Variants in SLC22A17 observed in about 807,000 individuals in gnomAD.
SLC22A17 encodes solute carrier family 22 member 17, also known as 24p3 receptor.
In SLC22A17, 38 loss-of-function variants were observed where a neutral mutation model predicts 53.6. The ratio of observed to expected loss-of-function variants is 0.71; its 90% confidence interval spans 0.55 to 0.93. SLC22A17 has a LOEUF of 0.93. SLC22A17 is among the 40% of genes least tolerant of loss of function. The probability of loss-of-function intolerance (pLI) is 0.00; values close to 1 mark genes in which losing one functional copy is unlikely to be tolerated. For missense variants in SLC22A17, 704 were observed against 791.0 expected (o/e 0.89, Z 1.32); for synonymous variants, 379 against 353.0 (o/e 1.07, Z -0.82).
rs1329922060 is a variant in SLC22A17, at chr14:23,347,369, C to G, written c.1549+91G>C. 4.6e-6 allele frequency: 7 copies of G among 1,533,470 alleles called. No homozygotes were observed. In the Admixed American group the frequency reaches 1.1e-4, roughly 25 times the overall value. The allele number at this position is 1,533,470 out of a possible 1,614,324, so 95.0% of individuals were successfully genotyped here. A position where few individuals can be genotyped will look rare whatever the true frequency, so the allele number is the denominator to read the frequency against. ...GGGAGAGCAGATGGGGCTGTGGGGC[C>G]AGGTGGAGGCTCGTGGAAGAGCTGG... On this transcript the variant is annotated intron_variant, in intron 8 of 9. Coordinates refer to ENST00000397267, the Ensembl canonical transcript of SLC22A17. The surrounding 1 kb of genome is among the most constrained non-coding windows in gnomAD (Gnocchi z 5.1).
intron 3 of SLC22A17, chr14:23,351,459 C>T (rs1338574630): frequency 5.5e-6 from 2 of 366,716 alleles, no homozygotes; most frequent in African/African-American, 2.1e-5. Context: ...GGGGATGAGA[C>T]TATTCTCTTT....
chr14:23,348,474 T>C lies in SLC22A17; in HGVS notation c.1025+32A>G. On this transcript the variant is annotated intron_variant, in intron 5 of 9. Transcript: ENST00000397267. The surrounding 1 kb of genome is among the most constrained non-coding windows in gnomAD (Gnocchi z 4.5). ...GCTAGTTTGGAGGCAGAGATGGGAA[T>C]TGCCAGACGACAGGTGAAGGGTAAT... 1 of 1,603,562 alleles carries C rather than the reference T, an allele frequency of 6.2e-7. No homozygotes were observed. The highest frequency in any genetic ancestry group is 8.5e-7 in the Non-Finnish European group (1 of 1,173,406).
At chr14:23,350,031 C>T (rs1035209954) in intron 3 of SLC22A17, among the ~76,000 whole-genome samples, 4 of 152,096 alleles carry the variant, frequency 2.6e-5, no homozygotes, top group African/African-American at 4.8e-5. Flanking sequence ...TCAGGCTGGG[C>T]GCAGTGGCTC....
In SLC22A17 at chr14:23,347,637, T is replaced by C; in HGVS notation, c.1372A>G (p.Thr458Ala). 6.2e-7 allele frequency: 1 copy of C among 1,613,878 alleles called. No individual in the cohort carries two copies. Among genetic ancestry groups the C allele is most frequent in the South Asian group, 1.1e-5 (1 of 91,080 alleles). The change falls in exon 8 of 10, where the codon ACC becomes GCC. Residue 458 changes from threonine to alanine, a missense_variant. Physicochemically the swap from Thr to Ala is moderately conservative, Grantham distance 58 (BLOSUM62 0). Around this residue, in one of 4 missense-constraint regions of SLC22A17, gnomAD observed 435 missense variants for 529.0 expected, o/e 0.82. Coordinates refer to ENST00000397267, the Ensembl canonical transcript of SLC22A17. This position sits in a 1 kb window ranked among gnomAD's most constrained non-coding sequence, Gnocchi z 5.1. The stretch of plus-strand genomic sequence containing the variant: ...AGGAAGACACAGGCCAGGGCTGCGG[T>C]GCCGCTGGCCAGCAGAGAGCACAGG...
exon 10 of SLC22A17, chr14:23,346,748 C>T (rs752831517): frequency 2.8e-5 from 43 of 1,543,824 alleles, no homozygotes; most frequent in Non-Finnish European, 3.1e-5. Context: ...CTCCCCGTCC[C>T]GGAGCACCTC....
At position 23,348,632 on chromosome 14, in the gene SLC22A17, G is replaced by A. The variant is rs1404309945; in HGVS notation, c.899C>T (p.Ala300Val). The change falls in exon 5 of 10, where the codon GCC becomes GTC. Residue 300 changes from alanine to valine, a missense_variant. Ala to Val is a moderately conservative substitution (Grantham distance 64). Coordinates refer to ENST00000397267, the Ensembl canonical transcript of SLC22A17. The surrounding 1 kb of genome is among the most constrained non-coding windows in gnomAD (Gnocchi z 4.5). ...CACCCCCACCAACTCCCCTGCCAGG[G>A]CCACCCGAAGCCTCTGGGTTGGGTC... is the stretch of plus-strand genomic sequence containing the variant. 6.2e-7 allele frequency: 1 copy of A among 1,613,606 alleles called. No homozygotes were observed. Among genetic ancestry groups the A allele is most frequent in the East Asian group, 2.2e-5 (1 of 44,878 alleles).
Position 23,348,324 on chromosome 14 carries a change from G to T in SLC22A17, c.1026-18C>A, listed in dbSNP as rs781315377. The T allele has an allele frequency of 1.9e-6, 3 of 1,613,462 alleles. No homozygotes were observed. Among genetic ancestry groups the T allele is most frequent in the Non-Finnish European group, 2.5e-6 (3 of 1,179,600 alleles). ...CAGGCCAGCTGGGGGCAGGGGGGAA[G>T]GGGTATACTGTGAGGCCTCCCTTCT... On this transcript the variant is annotated intron_variant, in intron 5 of 9. Coordinates refer to ENST00000397267, the Ensembl canonical transcript of SLC22A17. The surrounding 1 kb of genome is among the most constrained non-coding windows in gnomAD (Gnocchi z 4.5).
At position 23,347,219 on chromosome 14, in the gene SLC22A17, A is replaced by G. The variant is rs2138511025; in HGVS notation, c.1550-7T>C. 1 of 1,609,516 alleles carries G rather than the reference A, an allele frequency of 6.2e-7. No individual in the cohort carries two copies. Among genetic ancestry groups the G allele is most frequent in the South Asian group, 1.1e-5 (1 of 90,364 alleles). Reference sequence around the variant, plus strand: ...ATGGCAGCCTCGTTCAGATCTGCAGAAGCAAGAGGGATGATATGAATGCAG... The same window carrying G: ...ATGGCAGCCTCGTTCAGATCTGCAGGAGCAAGAGGGATGATATGAATGCAG... On this transcript the variant is annotated splice_region_variant and splice_polypyrimidine_tract_variant and intron_variant, in intron 8 of 9. Transcript: ENST00000397267. This position sits in a 1 kb window ranked among gnomAD's most constrained non-coding sequence, Gnocchi z 5.1.
At position 23,351,871 on chromosome 14, in the gene SLC22A17, G is replaced by C; in HGVS notation, c.601-16C>G. 1 of 1,611,902 alleles carries C rather than the reference G, an allele frequency of 6.2e-7. No individual in the cohort carries two copies. The highest frequency in any genetic ancestry group is 8.5e-7 in the Non-Finnish European group (1 of 1,178,754). On this transcript the variant is annotated splice_polypyrimidine_tract_variant and intron_variant, in intron 2 of 9. Coordinates refer to ENST00000397267, the Ensembl canonical transcript of SLC22A17. ...CCAGATCCCACTGGGGATGTGAGAA[G>C]GGTGCAGCGGGCGTGAGGCCCCGCC...
chr14:23,352,455 T>C lies in SLC22A17; in HGVS notation c.97-4A>G. 1 of 445,678 alleles carries C rather than the reference T, an allele frequency of 2.2e-6. No individual in the cohort carries two copies. Among genetic ancestry groups the C allele is most frequent in the Admixed American group, 4.2e-5 (1 of 23,710 alleles). 27.6% of individuals were successfully genotyped at this position (445,678 alleles called of 1,614,324 possible). On this transcript the variant is annotated splice_polypyrimidine_tract_variant and splice_region_variant and intron_variant, in intron 1 of 9. Coordinates refer to ENST00000397267, the Ensembl canonical transcript of SLC22A17. This position sits in a 1 kb window ranked among gnomAD's most constrained non-coding sequence, Gnocchi z 7.2. ...CATCTCCGAGGGTCCCGACCTGCTG[T>C]TGGGGGGCAGGGGGTGGCAGGAGAA...
In SLC22A17 at chr14:23,352,326, G is replaced by A. The variant is rs971897459; in HGVS notation, c.222C>T (p.Pro74=). 27 of 1,253,080 alleles carry A rather than the reference G, an allele frequency of 2.2e-5. No individual in the cohort carries two copies. In the African/African-American group the frequency reaches 4.3e-4, roughly 20 times the overall value. The allele number at this position is 1,253,080 out of a possible 1,614,324, so 77.6% of individuals were successfully genotyped here. The stretch of plus-strand genomic sequence containing the variant: ...GCGCCTCAAAGCTGAGGGGGCCTGG[G>A]GGCACGGCCAGCGACAGGCTGCTGC... Residue 74 remains proline (P), a synonymous_variant, in exon 2 of 10, where the codon CCC becomes CCT. Coordinates refer to ENST00000397267, the Ensembl canonical transcript of SLC22A17. The surrounding 1 kb of genome is among the most constrained non-coding windows in gnomAD (Gnocchi z 7.2).
rs748985510 is a variant in SLC22A17, at chr14:23,352,111, C to T, written c.437G>A (p.Gly146Asp). 1.3e-6 allele frequency: 2 copies of T among 1,583,076 alleles called. No homozygotes were observed. Among genetic ancestry groups the T allele is most frequent in the Non-Finnish European group, 1.7e-6 (2 of 1,166,080 alleles). Residue 146 changes from glycine to aspartate, a missense_variant, in exon 2 of 10, where the codon GGC becomes GAC. This residue lies in a region of SLC22A17 where 435 missense variants were observed against 529.0 expected (regional missense o/e 0.82). Coordinates refer to ENST00000397267, the Ensembl canonical transcript of SLC22A17. The surrounding 1 kb of genome is among the most constrained non-coding windows in gnomAD (Gnocchi z 7.2). ...TAGGGCAGCGCTGGCGACGCTGACG[C>T]CGCTGGCATTGGGAGGCTGCTCCCA...
chr14:23,346,876 G>A (rs777811460), exon 10 of SLC22A17: 1 of 1,538,352 alleles, frequency 6.5e-7, no homozygotes, highest in South Asian at 1.2e-5. Flanking sequence ...GGAGGCGCTG[G>A]GCCGGGCCGC....
Position 23,346,938 on chromosome 14 carries a change from T to TG in SLC22A17, c.1662-3dup, listed in dbSNP as rs771466763. The TG allele has an allele frequency of 1.3e-6, 2 of 1,530,186 alleles. No individual in the cohort carries two copies. The highest frequency in any genetic ancestry group is 2.4e-5 in the East Asian group (1 of 41,466). 94.8% of individuals were successfully genotyped at this position (1,530,186 alleles called of 1,614,324 possible). A position where few individuals can be genotyped will look rare whatever the true frequency, so the allele number is the denominator to read the frequency against. ...ATGATCAGGCCCAGGCCACGGCCCC[T>TG]GGGGGGAGACAGAGGAGGAGCTCAG... is the stretch of plus-strand genomic sequence containing the variant. On this transcript the variant is annotated splice_polypyrimidine_tract_variant and splice_region_variant and intron_variant, in intron 9 of 9. Coordinates refer to ENST00000397267, the Ensembl canonical transcript of SLC22A17.
chr14:23,346,329 T>A, exon 10 of SLC22A17: 1 of 335,584 alleles, frequency 3.0e-6, no homozygotes, highest in Non-Finnish European at 5.4e-6. Flanking sequence ...GCTCGTTTAT[T>A]CCAAATGTCT....
In SLC22A17 at chr14:23,352,245, G is replaced by C. The variant is rs1889689142; in HGVS notation, c.303C>G (p.Cys101Trp). 6.9e-7 allele frequency: 1 copy of C among 1,442,646 alleles called. No homozygotes were observed. The highest frequency in any genetic ancestry group is 9.1e-7 in the Non-Finnish European group (1 of 1,101,382). 89.4% of individuals were successfully genotyped at this position (1,442,646 alleles called of 1,614,324 possible). A position where few individuals can be genotyped will look rare whatever the true frequency, so the allele number is the denominator to read the frequency against. The stretch of plus-strand genomic sequence containing the variant: ...GAGCCACGAAGAGCACCGGCAGGCA[G>C]CAGAGGCCGAGCTGCAGCTGCTGGC... Residue 101 changes from cysteine to tryptophan, a missense_variant, in exon 2 of 10, where the codon TGC becomes TGG. Transcript: ENST00000397267. This position sits in a 1 kb window ranked among gnomAD's most constrained non-coding sequence, Gnocchi z 7.2.
Position 23,347,314 on chromosome 14 carries a change from G to A in SLC22A17, c.1550-102C>T. ...GCTCTCTGTTCCCATGGCTCTAGCT[G>A]GGCAGGCTCTGGGCATTCAGTAATT... On this transcript the variant is annotated intron_variant, in intron 8 of 9. Transcript: ENST00000397267. This position sits in a 1 kb window ranked among gnomAD's most constrained non-coding sequence, Gnocchi z 5.1. The A allele has an allele frequency of 6.8e-7, 1 of 1,472,594 alleles. No homozygotes were observed. Among genetic ancestry groups the A allele is most frequent in the Non-Finnish European group, 9.2e-7 (1 of 1,086,970 alleles). The allele number at this position is 1,472,594 out of a possible 1,614,324, so 91.2% of individuals were successfully genotyped here. A position where few individuals can be genotyped will look rare whatever the true frequency, so the allele number is the denominator to read the frequency against.
At chr14:23,349,925 A>G (rs569296083) in intron 3 of SLC22A17, among the ~76,000 whole-genome samples, 1 of 152,168 alleles carries the variant, frequency 6.6e-6, no homozygotes, top group Non-Finnish European at 1.5e-5. Flanking sequence ...GTGAAGGTAA[A>G]GCCAATGATA....
chr14:23,347,559 T>A lies in SLC22A17; in HGVS notation c.1450A>T (p.Thr484Ser), dbSNP rs750375196. The change falls in exon 8 of 10, where the codon ACC becomes TCC. Residue 484 changes from threonine to serine, a missense_variant. Transcript: ENST00000397267. The surrounding 1 kb of genome is among the most constrained non-coding windows in gnomAD (Gnocchi z 5.1). ...ACCAGGGAAGCAATGCCGGTAAGGG[T>A]CATGGAGAGAAGAAGGATGCCCCGG... 1.9e-6 allele frequency: 3 copies of A among 1,613,440 alleles called. No homozygotes were observed. In the Admixed American group the frequency reaches 5.0e-5, roughly 27 times the overall value.
Sources: allele counts gnomAD v4.1 joint callset (sites outside exome capture counted in the v4.1 genomes callset), GRCh38; gene constraint gnomAD v4.1.1; regional missense constraint gnomAD v4.1.1; non-coding constraint Gnocchi (gnomAD v3.1); transcripts MANE v1.5; gene names NCBI Gene and HGNC (gene_info 2026-07-23, HGNC 2026-07-21).